DLGAP2: variants seen among roughly 807,000 people sequenced by gnomAD.
DLGAP2 encodes the protein disks large-associated protein 2.
In DLGAP2, 26 loss-of-function variants were observed where a neutral mutation model predicts 100.3. The observed-to-expected ratio is 0.26, with a 90% CI of 0.19 to 0.36. The LOEUF (loss-of-function observed/expected upper bound fraction) is 0.36, where lower values mean the gene tolerates loss of function less well. DLGAP2 is among the 10% of genes least tolerant of loss of function. The pLI is 1.00. For synonymous variants in DLGAP2, 886 were observed against 630.1 expected (o/e 1.41, Z -6.08); for missense variants, 1,858 against 1,453.2 (o/e 1.28, Z -4.53).
intron 4 of DLGAP2, among the ~76,000 whole-genome samples, chr8:1,521,438 CG>C (rs1800593910): frequency 1.7e-5 from 1 of 60,510 alleles, no homozygotes; most frequent in African/African-American, 5.4e-5. Flanking sequence ...TTGGAATACT[CG>C]GGCGGCAGGT....
At chr8:1,330,367 A>G (rs1341539698) in intron 3 of DLGAP2, among the ~76,000 whole-genome samples, 13 of 126,986 alleles carry the variant, frequency 1.0e-4, no homozygotes, top group African/African-American at 3.6e-4. Flanking sequence ...GGTGGGACTG[A>G]GTTCTGGGTG....
chr8:813,524 A>C (rs1307149347), intron 1 of DLGAP2, among the ~76,000 whole-genome samples: 1 of 152,154 alleles, frequency 6.6e-6, no homozygotes, highest in Non-Finnish European at 1.5e-5. Context: ...TGCGTGTCTT[A>C]GATTTCTTCA....
At chr8:1,354,137 C>G (rs1384209350) in intron 3 of DLGAP2, among the ~76,000 whole-genome samples, 1 of 152,232 alleles carries the variant, frequency 6.6e-6, no homozygotes, top group Admixed American at 6.5e-5. Flanking sequence ...GGAAATTTAC[C>G]TTAAAGGATA....
intron 2 of DLGAP2, among the ~76,000 whole-genome samples, chr8:1,005,299 A>G (rs572817993): frequency 3.3e-5 from 5 of 152,270 alleles, no homozygotes; most frequent in African/African-American, 1.2e-4. Flanking sequence ...TTCTACTCAG[A>G]AAGTCTGCAG....
intron 2 of DLGAP2, among the ~76,000 whole-genome samples, chr8:925,664 A>C (rs1798798414): frequency 6.6e-6 from 1 of 152,184 alleles, no homozygotes; most frequent in South Asian, 2.1e-4. Flanking sequence ...ACACATATGT[A>C]GACCCCATGC....
chr8:1,411,330 C>G (rs1025836981), intron 3 of DLGAP2, among the ~76,000 whole-genome samples: 7 of 152,186 alleles, frequency 4.6e-5, no homozygotes, highest in Admixed American at 1.3e-4. Flanking sequence ...CACCAAAAAT[C>G]TTATATGGTT....
intron 3 of DLGAP2, among the ~76,000 whole-genome samples, chr8:1,319,611 C>T (rs1003080341): frequency 6.6e-6 from 1 of 152,176 alleles, no homozygotes; most frequent in Non-Finnish European, 1.5e-5. Context: ...GGACGTCCAT[C>T]AGCTGTGATG....
intron 2 of DLGAP2, among the ~76,000 whole-genome samples, chr8:1,199,406 G>T (rs1324440348): frequency 6.6e-6 from 1 of 152,160 alleles, no homozygotes; most frequent in African/African-American, 2.4e-5. Context: ...TTACAGAAGA[G>T]AAGTGAGCGC....
intron 2 of DLGAP2, among the ~76,000 whole-genome samples, chr8:1,198,606 C>T (rs1462684079): frequency 1.3e-5 from 2 of 152,180 alleles, no homozygotes; most frequent in Non-Finnish European, 2.9e-5. Context: ...AGAGTGTGTG[C>T]TCTGCAGACT....
intron 2 of DLGAP2, chr8:1,002,866 C>A (rs766935519): frequency 2.0e-5 from 3 of 152,266 alleles, no homozygotes; most frequent in Non-Finnish European, 4.4e-5. Flanking sequence ...CCCAGCATGG[C>A]GCTAGTGGGG....
At chr8:1,410,629 G>A (rs907946488) in intron 3 of DLGAP2, among the ~76,000 whole-genome samples, 21 of 152,290 alleles carry the variant, frequency 1.4e-4, no homozygotes, top group African/African-American at 5.1e-4. Context: ...ACTCCTGGGG[G>A]AGCTTGTAAG....
At chr8:1,601,164 C>G (rs1796611146) in intron 6 of DLGAP2, among the ~76,000 whole-genome samples, 2 of 152,212 alleles carry the variant, frequency 1.3e-5, no homozygotes, top group Non-Finnish European at 2.9e-5. Context: ...GCTAGAGGTC[C>G]ACTCCAGACC....
rs146728195 is a variant in DLGAP2 at position 1,299,947 on chromosome 8, G to T, written c.106+41064G>T. 1.3e-3 allele frequency: 191 copies of T among 152,298 alleles called. 1 individual carries two copies. Among genetic ancestry groups the T allele is most frequent in the African/African-American group, 4.4e-3 (183 of 41,544 alleles). The allele number at this position is 152,298 out of a possible 1,614,324, so 9.4% of individuals were successfully genotyped here. A position where few individuals can be genotyped will look rare whatever the true frequency, so the allele number is the denominator to read the frequency against. On this transcript the variant is annotated intron_variant, in intron 3 of 14. Coordinates refer to ENST00000637795, the MANE Select transcript of DLGAP2 (RefSeq NM_001346810.2). ...CACCGTTCTGGAGGCTGATCAAGGC[G>T]TGGGCAGACCTGGCTCCTGGGGAGG...
intron 3 of DLGAP2, among the ~76,000 whole-genome samples, chr8:1,374,075 T>C (rs967937155): frequency 3.3e-5 from 5 of 151,760 alleles, no homozygotes; most frequent in Admixed American, 6.6e-5. Flanking sequence ...CAGACGGCTG[T>C]GTGGTGGAGG....
At chr8:1,259,068 C>G (rs1305102777) in intron 3 of DLGAP2, among the ~76,000 whole-genome samples, 185 bp downstream of exon 3, 1 of 152,238 alleles carries the variant, frequency 6.6e-6, no homozygotes, top group Non-Finnish European at 1.5e-5. Context: ...CGTTAGGACT[C>G]AGCAGCTCGT....
At chr8:741,452 C>T (rs1055724048) in intron 1 of DLGAP2, among the ~76,000 whole-genome samples, 3 of 152,168 alleles carry the variant, frequency 2.0e-5, no homozygotes, top group African/African-American at 7.2e-5. Context: ...GGTCATGGGC[C>T]TTGACATGCA....
chr8:1,248,223 G>T (rs771442950), intron 2 of DLGAP2, among the ~76,000 whole-genome samples: 2 of 56,372 alleles, frequency 3.5e-5, no homozygotes. Context: ...GGTCCATGTC[G>T]GTGGCCGGGA....
chr8:958,770 C>G (rs1003512644), intron 2 of DLGAP2, among the ~76,000 whole-genome samples: 1 of 151,838 alleles, frequency 6.6e-6, no homozygotes, highest in Non-Finnish European at 1.5e-5. Flanking sequence ...AACTATTGAA[C>G]CAAGGTATTG....
At position 1,362,399 on chromosome 8, in the gene DLGAP2, C is replaced by T. The variant is rs1161620429; in HGVS notation, c.106+103516C>T. Among the ~76,000 whole-genome samples the T allele has an allele frequency of 2.9e-5, 4 of 139,268 alleles. 1 individual carries two copies. Among genetic ancestry groups the T allele is most frequent in the Admixed American group, 7.0e-5 (1 of 14,388 alleles). The allele number at this position is 139,268 out of a possible 152,430, so 91.4% of individuals were successfully genotyped here. On this transcript the variant is annotated intron_variant, in intron 3 of 14. Transcript: ENST00000637795. Reference sequence around the variant, plus strand: ...ATCTTCCATCTTCCCATGTCCCATGCGGACAGCAGTCCCGCCGTCACAGCG... The same window carrying T: ...ATCTTCCATCTTCCCATGTCCCATGTGGACAGCAGTCCCGCCGTCACAGCG...
Sources: allele counts gnomAD v4.1 joint callset (sites outside exome capture counted in the v4.1 genomes callset), GRCh38; gene constraint gnomAD v4.1.1; transcripts MANE v1.5; gene names NCBI Gene and HGNC (gene_info 2026-07-23, HGNC 2026-07-21).